The following SLC25A21 variants were observed in gnomAD, a reference collection of about 807,000 sequenced individuals.
SLC25A21 encodes solute carrier family 25 member 21.
In SLC25A21, 47 loss-of-function variants were observed where a neutral mutation model predicts 43.8. The observed-to-expected ratio is 1.07, with a 90% confidence interval of 0.85 to 1.37. The LOEUF is 1.37. Ranked by LOEUF, SLC25A21 falls within the 40% of genes most tolerant of loss-of-function variation. SLC25A21 has a pLI of 0.00. For missense variants in SLC25A21, 352 were observed against 350.2 expected (o/e 1.00, Z -0.04); for synonymous variants, 131 against 121.3 (o/e 1.08, Z -0.52).
intron 1 of SLC25A21, among the ~76,000 whole-genome samples, chr14:37,124,951 C>A (rs1963272035): frequency 6.6e-6 from 1 of 152,172 alleles, no homozygotes; most frequent in African/African-American, 2.4e-5. Context: ...TGCCATGCTT[C>A]CTGTACAGCC....
intron 1 of SLC25A21, among the ~76,000 whole-genome samples, chr14:37,147,887 G>A (rs1315994389): frequency 7.8e-6 from 1 of 128,568 alleles, no homozygotes; most frequent in Non-Finnish European, 1.6e-5. Context: ...TGTAGCCCAG[G>A]CTGGAGTGCA....
intron 1 of SLC25A21, among the ~76,000 whole-genome samples, chr14:37,104,195 A>T (rs1401244893): frequency 6.6e-6 from 1 of 152,192 alleles, no homozygotes; most frequent in Non-Finnish European, 1.5e-5. Flanking sequence ...AAAATAATTA[A>T]CCTCATAAGA....
intron 1 of SLC25A21, among the ~76,000 whole-genome samples, chr14:37,052,320 C>T (rs1278745991): frequency 6.6e-6 from 1 of 152,102 alleles, no homozygotes; most frequent in African/African-American, 2.4e-5. Context: ...CCTGTAGGTC[C>T]AAACCGGGCT....
At chr14:37,047,924 C>A (rs1961622893) in intron 1 of SLC25A21, among the ~76,000 whole-genome samples, 1 of 152,112 alleles carries the variant, frequency 6.6e-6, no homozygotes, top group African/African-American at 2.4e-5. Flanking sequence ...GGATTTTATA[C>A]CACTCATAAA....
chr14:37,010,111 A>G (rs913965963), intron 1 of SLC25A21, among the ~76,000 whole-genome samples: 16 of 152,202 alleles, frequency 1.1e-4, no homozygotes, highest in Non-Finnish European at 7.3e-5. Context: ...AAATTGGGAA[A>G]ACATAACCAC....
At chr14:36,774,606 TG>T (rs760005821) in intron 3 of SLC25A21, among the ~76,000 whole-genome samples, 210 of 152,242 alleles carry the variant, frequency 1.4e-3, no homozygotes, top group Admixed American at 2.3e-3. Context: ...GGGTCTCTGT[TG>T]CCCAGGCTGG....
intron 1 of SLC25A21, among the ~76,000 whole-genome samples, chr14:37,149,754 A>C (rs1963727262): frequency 6.6e-6 from 1 of 152,220 alleles, no homozygotes; most frequent in Non-Finnish European, 1.5e-5. Context: ...TCTTATATTT[A>C]GTACAGTACC....
intron 2 of SLC25A21, among the ~76,000 whole-genome samples, chr14:36,857,502 G>A (rs1889934462): frequency 6.6e-6 from 1 of 152,272 alleles, no homozygotes; most frequent in Middle Eastern, 3.4e-3. Context: ...TCCACAAAAC[G>A]TAAAGAAAAG....
intron 2 of SLC25A21, among the ~76,000 whole-genome samples, chr14:36,858,628 T>A (rs866052441): frequency 7.2e-5 from 11 of 152,168 alleles, no homozygotes; most frequent in Middle Eastern, 3.2e-3. Context: ...TCCTGAGAGT[T>A]ATGTTTGATT....
intron 1 of SLC25A21, among the ~76,000 whole-genome samples, chr14:37,149,102 T>C (rs7160129): frequency 0.91 from 138,763 of 152,114 alleles, 64,297 homozygotes; most frequent in Non-Finnish European, 1. Context: ...ATGGAAGATA[T>C]GAAGCCAACA....
At chr14:36,848,119 G>T (rs181526539) in intron 2 of SLC25A21, among the ~76,000 whole-genome samples, 1 of 152,050 alleles carries the variant, frequency 6.6e-6, no homozygotes, top group Non-Finnish European at 1.5e-5. Flanking sequence ...CCACGAATTG[G>T]GATAATCATA....
In SLC25A21 at chr14:37,146,404, C is replaced by T. The variant is rs562855768; in HGVS notation, c.70+25877G>A. On this transcript the variant is annotated intron_variant, in intron 1 of 9. Coordinates refer to ENST00000331299, the MANE Select transcript of SLC25A21 (RefSeq NM_030631.4). ...TAAGGCTACAGGAACGTGGCATCAC[C>T]CCCAGCTAACTTCTGTATTTTTAGT... 9.9e-5 allele frequency among the ~76,000 whole-genome samples: 15 copies of T among 152,176 alleles called. No homozygotes were observed. The East Asian group carries it at 2.9e-3, about 30-fold the overall frequency.
chr14:36,917,847 T>C (rs1186845507), intron 1 of SLC25A21, among the ~76,000 whole-genome samples: 1 of 152,156 alleles, frequency 6.6e-6, no homozygotes, highest in African/African-American at 2.4e-5. Flanking sequence ...CAGAGAAAGC[T>C]GAAGATTCAG....
intron 1 of SLC25A21, among the ~76,000 whole-genome samples, chr14:37,018,443 T>C (rs1448360905): frequency 6.6e-6 from 1 of 152,042 alleles, no homozygotes; most frequent in Non-Finnish European, 1.5e-5. Context: ...CACTACATTG[T>C]ATTCCATATA....
chr14:36,880,398 GT>G (rs1890680386), intron 1 of SLC25A21, among the ~76,000 whole-genome samples: 1 of 152,098 alleles, frequency 6.6e-6, no homozygotes, highest in South Asian at 2.1e-4. Flanking sequence ...TGCGATTTGG[GT>G]TTTCTTCCAC....
chr14:37,081,760 G>A (rs370410260), intron 1 of SLC25A21, among the ~76,000 whole-genome samples: 3 of 152,114 alleles, frequency 2.0e-5, no homozygotes, highest in South Asian at 4.1e-4. Context: ...GAATTATACA[G>A]TAAGATGCTG....
chr14:36,997,654 T>G (rs1301389005), intron 1 of SLC25A21, among the ~76,000 whole-genome samples: 3 of 151,696 alleles, frequency 2.0e-5, no homozygotes, highest in African/African-American at 7.3e-5. Context: ...CATGGTGAAA[T>G]CCCATCTCTA....
intron 3 of SLC25A21, among the ~76,000 whole-genome samples, chr14:36,785,352 G>A (rs1887209500): frequency 1.3e-5 from 2 of 152,154 alleles, no homozygotes; most frequent in Admixed American, 6.5e-5. Flanking sequence ...CATGTTTGAT[G>A]AATTCATTGC....
intron 1 of SLC25A21, among the ~76,000 whole-genome samples, chr14:36,986,720 T>C (rs745624362): frequency 1.3e-5 from 2 of 152,108 alleles, no homozygotes; most frequent in South Asian, 2.1e-4. Flanking sequence ...AGGGGAGGAA[T>C]TGTTTTTGAA....
Sources: allele counts gnomAD v4.1 joint callset (sites outside exome capture counted in the v4.1 genomes callset), GRCh38; gene constraint gnomAD v4.1.1; transcripts MANE v1.5; gene names NCBI Gene and HGNC (gene_info 2026-07-23, HGNC 2026-07-21).